The following OR1J2 variants were observed in gnomAD, a reference collection of about 807,000 sequenced individuals.
OR1J2 encodes olfactory receptor 1J2.
For synonymous variants in OR1J2, 142 were observed against 99.7 expected, an observed-to-expected ratio of 1.42 and a Z score of -2.52; for missense variants, 304 against 246.1, an observed-to-expected ratio of 1.24 and a Z score of -1.57.
chr9:122,457,800 G>A, the OR1J2 span, among the ~76,000 whole-genome samples: 6 of 152,154 alleles, frequency 3.9e-5, no homozygotes, highest in East Asian at 1.2e-3. Flanking sequence ...TAGGTAAATG[G>A]TACATTTTTT....
the OR1J2 span, chr9:122,576,679 G>C: frequency 6.6e-6 from 1 of 152,174 alleles, no homozygotes; most frequent in Non-Finnish European, 1.5e-5. Context: ...GCCTTTCTAT[G>C]ACTGGTTCCC....
chr9:122,556,773 T>C, the OR1J2 span, among the ~76,000 whole-genome samples: 1 of 152,232 alleles, frequency 6.6e-6, no homozygotes, highest in African/African-American at 2.4e-5. Context: ...CTGCATTTTG[T>C]TGATATCCAC....
At chr9:122,580,320 T>C in the OR1J2 span, among the ~76,000 whole-genome samples, 1 of 151,686 alleles carries the variant, frequency 6.6e-6, no homozygotes, top group Non-Finnish European at 1.5e-5. Flanking sequence ...CTAGGAAATG[T>C]ATTCTTTTTA....
the OR1J2 span, among the ~76,000 whole-genome samples, chr9:122,535,220 C>T: frequency 1.3e-5 from 2 of 151,882 alleles, no homozygotes; most frequent in East Asian, 1.9e-4. Flanking sequence ...GAGGTCGGGG[C>T]ATGGAAATAA....
At chr9:122,541,816 C>G in the OR1J2 span, among the ~76,000 whole-genome samples, 1 of 152,232 alleles carries the variant, frequency 6.6e-6, no homozygotes, top group Non-Finnish European at 1.5e-5. Context: ...AAGCACAGAG[C>G]TTCCCATCAG....
At chr9:122,452,728 T>G in the OR1J2 span, among the ~76,000 whole-genome samples, 1 of 151,792 alleles carries the variant, frequency 6.6e-6, no homozygotes, top group Non-Finnish European at 1.5e-5. Flanking sequence ...TGAATTTGGT[T>G]GTTTAAAAAT....
downstream of OR1J2, among the ~76,000 whole-genome samples, chr9:122,514,776 T>C (rs535808540): frequency 6.6e-6 from 1 of 152,318 alleles, no homozygotes; most frequent in East Asian, 1.9e-4. Context: ...AACCAGAATC[T>C]GGCAGGGGAG....
At chr9:122,525,885 GC>G in the OR1J2 span, among the ~76,000 whole-genome samples, 1 of 152,068 alleles carries the variant, frequency 6.6e-6, no homozygotes, top group South Asian at 2.1e-4. Flanking sequence ...CAAAACAAGT[GC>G]CCCCAAAATT....
At chr9:122,531,203 T>C in the OR1J2 span, among the ~76,000 whole-genome samples, 2 of 151,986 alleles carry the variant, frequency 1.3e-5, no homozygotes, top group Non-Finnish European at 2.9e-5. Flanking sequence ...TAAGGGGTGA[T>C]ATTGTGGGGT....
the OR1J2 span, chr9:122,527,222 G>A: frequency 8.7e-6 from 14 of 1,613,610 alleles, no homozygotes; most frequent in East Asian, 6.7e-5. Context: ...TTCCGAAGAG[G>A]GACTGCTGTT....
upstream of OR1J2, among the ~76,000 whole-genome samples, chr9:122,506,046 T>C (rs1013409895): frequency 1.1e-4 from 16 of 152,320 alleles, no homozygotes; most frequent in Non-Finnish European, 2.2e-4. Context: ...TCACTTCCTT[T>C]GGGCTACCTG....
chr9:122,567,449 G>C, the OR1J2 span: 1 of 874,132 alleles, frequency 1.1e-6, no homozygotes, highest in Non-Finnish European at 1.8e-6. Context: ...TGGGTCAGAA[G>C]TGCTAGCTTC....
the OR1J2 span, among the ~76,000 whole-genome samples, chr9:122,490,953 G>A: frequency 6.6e-6 from 1 of 152,132 alleles, no homozygotes; most frequent in South Asian, 2.1e-4. Flanking sequence ...ATGGGGTAGT[G>A]GAATGCAAGA....
the OR1J2 span, among the ~76,000 whole-genome samples, chr9:122,449,903 A>C: frequency 6.6e-6 from 1 of 152,194 alleles, no homozygotes; most frequent in African/African-American, 2.4e-5. Context: ...AGGCTGAAAA[A>C]AAGATTATAC....
At chr9:122,504,879 C>T in the OR1J2 span, among the ~76,000 whole-genome samples, 1 of 152,118 alleles carries the variant, frequency 6.6e-6, no homozygotes, top group Non-Finnish European at 1.5e-5. Flanking sequence ...ATGGAGTTGT[C>T]CTTCCCAGTG....
the OR1J2 span, among the ~76,000 whole-genome samples, chr9:122,542,893 C>A: frequency 6.6e-6 from 1 of 152,152 alleles, no homozygotes; most frequent in Admixed American, 6.5e-5. Context: ...TGTCTGGTTT[C>A]TTTGGCTCAA....
At chr9:122,570,399 C>T in the OR1J2 span, among the ~76,000 whole-genome samples, 1 of 152,210 alleles carries the variant, frequency 6.6e-6, no homozygotes, top group Non-Finnish European at 1.5e-5. Context: ...GGCCTTAATA[C>T]ACCAGAATTT....
chr9:122,551,432 T>C, the OR1J2 span, among the ~76,000 whole-genome samples: 1 of 152,230 alleles, frequency 6.6e-6, no homozygotes, highest in Non-Finnish European at 1.5e-5. Context: ...TTGAGGGTAT[T>C]GTTTCCATCA....
the OR1J2 span, chr9:122,477,580 G>A: frequency 1.9e-6 from 3 of 1,614,150 alleles, no homozygotes; most frequent in South Asian, 1.1e-5. Flanking sequence ...TGCCATTGAA[G>A]TGATAAGGAA....
Sources: allele counts gnomAD v4.1 joint callset (sites outside exome capture counted in the v4.1 genomes callset), GRCh38; gene constraint gnomAD v4.1.1; transcripts MANE v1.5; gene names NCBI Gene and HGNC (gene_info 2026-07-23, HGNC 2026-07-21).